The following EYS variants were observed in gnomAD, a reference collection of about 807,000 sequenced individuals.
The protein encoded by EYS is protein eyes shut homolog.
Under a neutral mutation model 282.1 loss-of-function variants are expected in EYS, and 250 were observed. The observed-to-expected ratio is 0.89, with a 90% confidence interval of 0.80 to 0.98. The LOEUF is 0.98. EYS is among the 50% of genes least tolerant of loss of function. The pLI is 0.00. For missense variants in EYS, 4,016 were observed against 3,709.0 expected (o/e 1.08, Z -2.15); for synonymous variants, 1,355 against 1,282.9 (o/e 1.06, Z -1.20).
chr6:63,995,049 G>A (rs1562139259), intron 34 of EYS, among the ~76,000 whole-genome samples: 1 of 151,892 alleles, frequency 6.6e-6, no homozygotes, highest in Non-Finnish European at 1.5e-5. Context: ...AAAAGCTTCT[G>A]TGCAGCAAAG....
chr6:65,525,636 C>T (rs573562252), intron 2 of EYS, among the ~76,000 whole-genome samples: 3 of 152,258 alleles, frequency 2.0e-5, no homozygotes, highest in South Asian at 4.1e-4. Flanking sequence ...ACACAGAGTA[C>T]GGCATTTGAC....
chr6:65,487,808 C>A (rs536510786), intron 5 of EYS, among the ~76,000 whole-genome samples: 2 of 151,982 alleles, frequency 1.3e-5, no homozygotes, highest in Non-Finnish European at 1.5e-5. Context: ...GGGACCTGGA[C>A]TTTTTTTGGC....
At chr6:65,650,694 T>G (rs1266121042) in intron 1 of EYS, among the ~76,000 whole-genome samples, 2 of 152,172 alleles carry the variant, frequency 1.3e-5, no homozygotes, top group Admixed American at 6.6e-5. Flanking sequence ...GAGGATGTTT[T>G]CTTCTGGGGA....
chr6:64,585,732 G>T (rs1290706883), intron 26 of EYS, among the ~76,000 whole-genome samples: 1 of 151,980 alleles, frequency 6.6e-6, no homozygotes, highest in Non-Finnish European at 1.5e-5. Flanking sequence ...TTTAACTACA[G>T]TTTTTATGTG....
At chr6:65,021,421 G>A in intron 13 of EYS, among the ~76,000 whole-genome samples, 1 of 152,118 alleles carries the variant, frequency 6.6e-6, no homozygotes, top group South Asian at 2.1e-4. Flanking sequence ...CTCCATATGA[G>A]ACCACCTCAG....
chr6:64,057,378 GTT>G (rs75532003), intron 33 of EYS, among the ~76,000 whole-genome samples: 7 of 114,684 alleles, frequency 6.1e-5, no homozygotes, highest in African/African-American at 2.6e-4. Context: ...ATAAAGTAAG[GTT>G]TTTTTTTTTT....
chr6:65,265,115 A>G (rs1767717695), intron 12 of EYS, among the ~76,000 whole-genome samples: 1 of 151,966 alleles, frequency 6.6e-6, no homozygotes. Flanking sequence ...GGAGAGAGGC[A>G]AGGGTTGAAA....
At chr6:65,244,755 C>T (rs914368588) in intron 12 of EYS, among the ~76,000 whole-genome samples, 1 of 151,588 alleles carries the variant, frequency 6.6e-6, no homozygotes, top group South Asian at 2.1e-4. Context: ...ATCTCCTGAC[C>T]TGCTGATCCG....
intron 26 of EYS, among the ~76,000 whole-genome samples, chr6:64,582,599 T>G (rs10944598): frequency 0.099 from 14,881 of 150,274 alleles, 839 homozygotes; most frequent in East Asian, 0.16. Flanking sequence ...TTTTTTTTTT[T>G]GCTTGCTATT....
Position 63,919,336 on chromosome 6 carries a change from G to C in EYS, c.7056-54978C>G, listed in dbSNP as rs1166475875. ...ACTTTTTTTTTTTTTTTTTTTTTTT[G>C]TGCAGCCTGAGAGGTTGTTTTAGTC... On this transcript the variant is annotated intron_variant, in intron 35 of 42. Transcript: ENST00000503581. 1.6e-4 allele frequency among the ~76,000 whole-genome samples: 3 copies of C among 19,146 alleles called. 1 individual carries two copies. Among genetic ancestry groups the C allele is most frequent in the African/African-American group, 9.0e-4 (3 of 3,348 alleles). The allele number at this position is 19,146 out of a possible 152,430, so 12.6% of individuals were successfully genotyped here. A position where few individuals can be genotyped will look rare whatever the true frequency, so the allele number is the denominator to read the frequency against.
chr6:65,262,478 C>T (rs752004900), intron 12 of EYS, among the ~76,000 whole-genome samples: 1 of 151,944 alleles, frequency 6.6e-6, no homozygotes, highest in Non-Finnish European at 1.5e-5. Context: ...TTTTGTTACT[C>T]GAGAGCTAGA....
intron 24 of EYS, among the ~76,000 whole-genome samples, chr6:64,594,826 AACTT>A (rs554341242): frequency 3.1e-3 from 465 of 151,936 alleles, no homozygotes; most frequent in African/African-American, 0.011. Context: ...TGTACCCTAA[AACTT>A]AAAGTATAAT....
rs10705427 is a variant in EYS, at chr6:63,895,905, GTTTTTTTTT to G, written c.7056-31556_7056-31548del. Among the ~76,000 whole-genome samples the G allele has an allele frequency of 4.1e-3, 506 of 124,316 alleles. 3 individuals carry two copies. In the East Asian group the frequency reaches 0.046, roughly 11 times the overall value. 81.6% of individuals were successfully genotyped at this position (124,316 alleles called of 152,430 possible). ...TATTTAATCGTTGAGATCATGATTTGTTTTTTTTTTTTTTTTTTTTTTTTTTTTCAGAAA... is the reference window on the plus strand; with the variant it reads ...TATTTAATCGTTGAGATCATGATTTGTTTTTTTTTTTTTTTTTTTCAGAAA... On this transcript the variant is annotated intron_variant, in intron 35 of 42. Coordinates refer to ENST00000503581, the MANE Select transcript of EYS (RefSeq NM_001142800.2).
chr6:65,310,955 C>A (rs1329592052), intron 11 of EYS, among the ~76,000 whole-genome samples: 1 of 151,920 alleles, frequency 6.6e-6, no homozygotes, highest in African/African-American at 2.4e-5. Context: ...TCTGTAATGA[C>A]CAACTTTTCC....
intron 8 of EYS, 148 bp downstream of exon 8, chr6:65,384,238 T>A (rs2150351707): frequency 6.6e-6 from 4 of 604,574 alleles, no homozygotes; most frequent in East Asian, 5.7e-5. Context: ...AAACCCCTAT[T>A]GCTAAGCTTT....
At chr6:65,121,591 G>A (rs1240890985) in intron 12 of EYS, among the ~76,000 whole-genome samples, 5 of 152,130 alleles carry the variant, frequency 3.3e-5, no homozygotes, top group South Asian at 2.1e-4. Context: ...AATATTTTGG[G>A]GGGAGTGAGT....
intron 2 of EYS, among the ~76,000 whole-genome samples, chr6:65,583,231 C>T (rs73742009): frequency 0.03 from 4,589 of 151,914 alleles, 170 homozygotes; most frequent in African/African-American, 0.092. Context: ...TAAATGAGGG[C>T]TCAAGTATAC....
At chr6:64,048,952 C>T (rs2149842863) in intron 33 of EYS, among the ~76,000 whole-genome samples, 1 of 152,200 alleles carries the variant, frequency 6.6e-6, no homozygotes, top group East Asian at 1.9e-4. Context: ...ACTTGAAATG[C>T]TCTTTCTCAC....
At chr6:64,001,513 C>T in intron 33 of EYS, among the ~76,000 whole-genome samples, 1 of 151,830 alleles carries the variant, frequency 6.6e-6, no homozygotes, top group Non-Finnish European at 1.5e-5. Context: ...GTATGCTTAG[C>T]AATATTGGTG....
Sources: gnomAD v4.1 joint callset for allele counts (sites outside exome capture counted in the v4.1 genomes callset) on GRCh38, gnomAD v4.1.1 for gene constraint, MANE v1.5 for transcripts, NCBI Gene and HGNC (gene_info 2026-07-23, HGNC 2026-07-21) for gene names.